The following DISC1 variants were observed in gnomAD, a reference collection of about 807,000 sequenced individuals.
DISC1 encodes the protein disrupted in schizophrenia 1 protein.
Under a neutral mutation model 84.5 loss-of-function variants are expected in DISC1, and 57 were observed. The ratio of observed to expected loss-of-function variants is 0.67; its 90% CI spans 0.55 to 0.84. The LOEUF is 0.84. DISC1 is among the 40% of genes least tolerant of loss of function. DISC1 has a pLI of 0.00. For missense variants in DISC1, 1,000 were observed against 1,057.8 expected (o/e 0.95, Z 0.76); for synonymous variants, 411 against 415.2 (o/e 0.99, Z 0.12).
intron 8 of DISC1, among the ~76,000 whole-genome samples, chr1:231,803,882 G>A (rs1032617727): frequency 6.7e-6 from 1 of 150,336 alleles, no homozygotes; most frequent in African/African-American, 2.5e-5. Flanking sequence ...GGGAGGCGGA[G>A]CTTGCGGTGA....
chr1:231,883,656 G>T (rs943638587), intron 9 of DISC1, among the ~76,000 whole-genome samples: 1 of 152,134 alleles, frequency 6.6e-6, no homozygotes, highest in African/African-American at 2.4e-5. Flanking sequence ...GGCAGGTGAG[G>T]CCACAGGCAG....
chr1:231,913,488 C>A (rs1253979354), intron 9 of DISC1, among the ~76,000 whole-genome samples: 2 of 152,140 alleles, frequency 1.3e-5, no homozygotes, highest in Admixed American at 6.6e-5. Flanking sequence ...CTGATTGTAG[C>A]AGGATAAGGG....
At chr1:231,670,327 C>T (rs1362185320) in intron 1 of DISC1, among the ~76,000 whole-genome samples, 3 of 152,246 alleles carry the variant, frequency 2.0e-5, no homozygotes, top group Middle Eastern at 3.4e-3. Flanking sequence ...AGTTTACCTA[C>T]ATGCCCCTGA....
intron 9 of DISC1, among the ~76,000 whole-genome samples, chr1:231,832,312 A>G (rs71529858): frequency 0.56 from 78,879 of 140,238 alleles, 19,637 homozygotes; most frequent in Middle Eastern, 0.59. Context: ...CATGAGGGCT[A>G]GGCTAAAACA....
chr1:231,676,346 A>T (rs2063154103), intron 1 of DISC1, among the ~76,000 whole-genome samples: 1 of 152,154 alleles, frequency 6.6e-6, no homozygotes, highest in African/African-American at 2.4e-5. Context: ...ATTTAGAGTC[A>T]TTTGGCCTGG....
chr1:231,811,091 T>C (rs2080248618), intron 8 of DISC1, among the ~76,000 whole-genome samples: 1 of 152,236 alleles, frequency 6.6e-6, no homozygotes, highest in South Asian at 2.1e-4. Context: ...TCCAGTGTTA[T>C]CTTCCCCTTG....
intron 1 of DISC1, among the ~76,000 whole-genome samples, chr1:231,633,147 G>T (rs550729806): frequency 6.6e-6 from 1 of 152,304 alleles, no homozygotes; most frequent in Admixed American, 6.5e-5. Flanking sequence ...GGATCCTTAA[G>T]AATCTATTTG....
Position 231,912,697 on chromosome 1 carries a change from C to T in DISC1, c.1982-46131C>T, listed in dbSNP as rs540219370. On this transcript the variant is annotated intron_variant, in intron 9 of 12. Coordinates refer to ENST00000439617, the MANE Select transcript of DISC1 (RefSeq NM_018662.3). The stretch of plus-strand genomic sequence containing the variant: ...ACTGCATGCTGGGAGAACCACCACT[C>T]TCTTCAAAGCTGTCAGACAGGGACA... Among the ~76,000 whole-genome samples, 3 of 152,280 alleles carry T rather than the reference C, an allele frequency of 2.0e-5. No homozygotes were observed. The East Asian group carries it at 5.8e-4, about 29-fold the overall frequency.
chr1:231,858,832 GA>G, intron 9 of DISC1, among the ~76,000 whole-genome samples: 1 of 152,284 alleles, frequency 6.6e-6, no homozygotes, highest in East Asian at 1.9e-4. Flanking sequence ...AGTATCTGGG[GA>G]AAGTAGAAAC....
chr1:231,684,336 T>C (rs1384458111), intron 1 of DISC1, among the ~76,000 whole-genome samples: 1 of 152,094 alleles, frequency 6.6e-6, no homozygotes, highest in Non-Finnish European at 1.5e-5. Flanking sequence ...TTCACGGTTA[T>C]AAAAACTGTA....
intron 3 of DISC1, among the ~76,000 whole-genome samples, chr1:231,732,716 A>G (rs1243195440): frequency 6.6e-6 from 1 of 152,186 alleles, no homozygotes; most frequent in African/African-American, 2.4e-5. Context: ...TTCTCCAGTA[A>G]GTGCTTTCAA....
At chr1:232,021,146 A>G (rs1668916714) in intron 11 of DISC1, among the ~76,000 whole-genome samples, 1 of 152,102 alleles carries the variant, frequency 6.6e-6, no homozygotes, top group African/African-American at 2.4e-5. Context: ...GAATCTGTAT[A>G]TTTCTTACCT....
At chr1:231,860,386 A>C (rs1279395447) in intron 9 of DISC1, among the ~76,000 whole-genome samples, 3 of 152,096 alleles carry the variant, frequency 2.0e-5, no homozygotes, top group Non-Finnish European at 4.4e-5. Flanking sequence ...CTCTAATCCC[A>C]AAATCCAAAA....
rs141191546 is a variant in DISC1, at chr1:231,642,947, G to A, written c.67+16013G>A. On this transcript the variant is annotated intron_variant, in intron 1 of 12. Transcript: ENST00000439617. ...TATTTAATAAAACCGTTATGAAAAT[G>A]TACTCAACCTGAGCATGCACTGGAA... 6.9e-3 allele frequency among the ~76,000 whole-genome samples: 1,050 copies of A among 152,310 alleles called. 8 individuals are homozygous for A. The highest frequency in any genetic ancestry group is 0.012 in the Non-Finnish European group (829 of 68,026).
intron 10 of DISC1, among the ~76,000 whole-genome samples, chr1:232,006,076 A>G (rs1248971845): frequency 4.6e-5 from 7 of 152,122 alleles, no homozygotes; most frequent in African/African-American, 1.7e-4. Flanking sequence ...ACTCCTTTCT[A>G]TTATCTTCTA....
intron 10 of DISC1, among the ~76,000 whole-genome samples, chr1:232,001,776 A>G (rs1264390674): frequency 6.6e-6 from 1 of 152,104 alleles, no homozygotes; most frequent in African/African-American, 2.4e-5. Context: ...ATAAAACTAT[A>G]AAACTTTTAG....
intron 9 of DISC1, among the ~76,000 whole-genome samples, chr1:231,935,988 A>G (rs1162771605): frequency 6.6e-6 from 1 of 152,142 alleles, no homozygotes; most frequent in East Asian, 1.9e-4. Flanking sequence ...CAACGTAATT[A>G]AACTGCAGGA....
chr1:231,690,876 G>GAAAA (rs1297404479), intron 1 of DISC1, among the ~76,000 whole-genome samples: 1 of 152,174 alleles, frequency 6.6e-6, no homozygotes, highest in Non-Finnish European at 1.5e-5. Flanking sequence ...TTCTGGGAAG[G>GAAAA]CCAGTGGCCA....
chr1:231,704,759 C>CAAA (rs146300199), intron 3 of DISC1, among the ~76,000 whole-genome samples: 290 of 24,338 alleles, frequency 0.012, 59 homozygotes, highest in Admixed American at 0.012. Flanking sequence ...GACTCCGTCT[C>CAAA]AAAAAAAAAA....
Sources: allele counts gnomAD v4.1 joint callset (sites outside exome capture counted in the v4.1 genomes callset), GRCh38; gene constraint gnomAD v4.1.1; transcripts MANE v1.5; gene names NCBI Gene and HGNC (gene_info 2026-07-23, HGNC 2026-07-21).